Variants in ALK observed in about 807,000 individuals in gnomAD.
ALK encodes the protein ALK receptor tyrosine kinase, also known as ALK tyrosine kinase receptor.
A neutral mutation model predicts 163.1 loss-of-function variants in ALK; 74 were observed. That is an observed-to-expected ratio of 0.45 (90% CI 0.38 to 0.55). The LOEUF is 0.55. ALK is among the 20% of genes least tolerant of loss of function. ALK has a pLI of 0.00. For synonymous variants in ALK, 960 were observed against 843.2 expected (o/e 1.14, Z -2.40); for missense variants, 2,063 against 2,105.3 (o/e 0.98, Z 0.39).
At chr2:29,335,382 T>C (rs149924592) in intron 5 of ALK, among the ~76,000 whole-genome samples, 21 of 152,332 alleles carry the variant, frequency 1.4e-4, no homozygotes, top group African/African-American at 4.6e-4. Context: ...TTACCCTTCG[T>C]TTGAATCTCA....
chr2:29,554,000 T>C (rs1004133559), intron 3 of ALK, among the ~76,000 whole-genome samples: 9 of 152,226 alleles, frequency 5.9e-5, no homozygotes, highest in Non-Finnish European at 1.2e-4. Flanking sequence ...CATGTGTCCT[T>C]TGCCATTTAG....
At chr2:29,413,652 C>T (rs978645960) in intron 4 of ALK, among the ~76,000 whole-genome samples, 7 of 152,310 alleles carry the variant, frequency 4.6e-5, no homozygotes, top group Admixed American at 3.9e-4. Context: ...CTGCCTCAGC[C>T]TCCCAAGTAG....
intron 1 of ALK, among the ~76,000 whole-genome samples, chr2:29,894,244 T>A (rs1351456775): frequency 6.6e-6 from 1 of 152,110 alleles, no homozygotes; most frequent in African/African-American, 2.4e-5. Flanking sequence ...CAGTGAATAT[T>A]TGTTGCTGTT....
intron 3 of ALK, among the ~76,000 whole-genome samples, chr2:29,617,114 T>A (rs775450174): frequency 6.6e-6 from 1 of 152,160 alleles, no homozygotes; most frequent in African/African-American, 2.4e-5. Flanking sequence ...TGCTGGAAAC[T>A]GTCTCTTCTT....
intron 3 of ALK, among the ~76,000 whole-genome samples, chr2:29,678,446 T>C (rs1019777577): frequency 2.5e-4 from 38 of 151,762 alleles, no homozygotes; most frequent in African/African-American, 7.5e-4. Flanking sequence ...TATACTTTTT[T>C]TTCTCTGAGC....
intron 3 of ALK, among the ~76,000 whole-genome samples, chr2:29,601,835 T>C (rs779216257): frequency 6.6e-6 from 1 of 151,870 alleles, no homozygotes. Flanking sequence ...CTTACCAGAC[T>C]CAGAGGCCGA....
At chr2:29,728,808 C>G (rs1679649972) in intron 1 of ALK, among the ~76,000 whole-genome samples, 1 of 152,170 alleles carries the variant, frequency 6.6e-6, no homozygotes, top group African/African-American at 2.4e-5. Context: ...ATGGATGGCC[C>G]AATCACACTG....
At chr2:29,584,663 A>G (rs1310274422) in intron 3 of ALK, among the ~76,000 whole-genome samples, 1 of 152,258 alleles carries the variant, frequency 6.6e-6, no homozygotes, top group African/African-American at 2.4e-5. Flanking sequence ...AACTCCTTCT[A>G]TAGAATGGCT....
rs191734907 is a variant in ALK at position 29,759,360 on chromosome 2, G to A, written c.668-41663C>T. Among the ~76,000 whole-genome samples the A allele has an allele frequency of 4.2e-3, 641 of 152,268 alleles. 15 individuals are homozygous for A. Among genetic ancestry groups the A allele is most frequent in the Admixed American group, 0.038 (585 of 15,300 alleles). ...ACAGTCAAGCAATACCATTGACTGA[G>A]ACCTCCATGAGGTACTAAGGAAGTT... On this transcript the variant is annotated intron_variant, in intron 1 of 28. Transcript: ENST00000389048.
Position 29,920,023 on chromosome 2 carries a change from G to A in ALK, c.637C>T (p.Pro213Ser), listed in dbSNP as rs2148442833. ...CCGAAGATCTGGAAGAGAAGGCGGG[G>A]CTGGGAGGCGCGAATTGCCGCGGAC... Reference protein sequence around the residue: ...RLSAAIRASQPRLLFQIFGTG... With the variant: ...RLSAAIRASQSRLLFQIFGTG... Residue 213 changes from proline (P) to serine (S), a missense_variant, in exon 1 of 29, where the codon CCC becomes TCC. Coordinates refer to ENST00000389048, the MANE Select transcript of ALK (RefSeq NM_004304.5). 1 of 1,614,154 alleles carries A rather than the reference G, an allele frequency of 6.2e-7. No individual in the cohort carries two copies. Among genetic ancestry groups the A allele is most frequent in the South Asian group, 1.1e-5 (1 of 91,086 alleles).
chr2:29,407,182 C>T (rs991231709), intron 4 of ALK, among the ~76,000 whole-genome samples: 26 of 152,232 alleles, frequency 1.7e-4, no homozygotes, highest in Non-Finnish European at 2.9e-5. Context: ...TCTGAAGCAG[C>T]TCTTTATCTT....
chr2:29,696,889 G>A (rs1352204967), intron 2 of ALK, among the ~76,000 whole-genome samples: 2 of 148,918 alleles, frequency 1.3e-5, no homozygotes, highest in Admixed American at 6.8e-5. Flanking sequence ...CCTTCTCCAT[G>A]CCTGGCCAGA....
chr2:29,294,682 C>T (rs1174315428), intron 9 of ALK, among the ~76,000 whole-genome samples: 2 of 152,174 alleles, frequency 1.3e-5, no homozygotes, highest in Admixed American at 6.5e-5. Flanking sequence ...TTTCAATAGT[C>T]ATTTCATTTA....
At chr2:29,676,930 ATTG>A (rs1399351050) in intron 3 of ALK, among the ~76,000 whole-genome samples, 1 of 151,860 alleles carries the variant, frequency 6.6e-6, no homozygotes, top group Admixed American at 6.6e-5. Flanking sequence ...CCTTTTGGAA[ATTG>A]TTGTTAGAAC....
At chr2:29,501,735 A>C (rs1311680378) in intron 4 of ALK, among the ~76,000 whole-genome samples, 4 of 152,214 alleles carry the variant, frequency 2.6e-5, no homozygotes, top group African/African-American at 9.6e-5. Flanking sequence ...TAAAGTATAC[A>C]GTTTAGTGGC....
chr2:29,319,990 G>C (rs569300837), intron 7 of ALK, among the ~76,000 whole-genome samples: 2 of 152,236 alleles, frequency 1.3e-5, no homozygotes, highest in Non-Finnish European at 2.9e-5. Flanking sequence ...ACCAGGGCCT[G>C]CCCGGGTCCC....
intron 3 of ALK, among the ~76,000 whole-genome samples, chr2:29,669,664 A>G (rs368386915): frequency 2.0e-5 from 3 of 151,898 alleles, no homozygotes; most frequent in East Asian, 1.9e-4. Context: ...CTGTTTTAAG[A>G]TCCTCCCTTT....
intron 3 of ALK, among the ~76,000 whole-genome samples, chr2:29,652,414 T>C (rs1025208841): frequency 6.6e-6 from 1 of 152,212 alleles, no homozygotes; most frequent in African/African-American, 2.4e-5. Context: ...GCCATGCTTT[T>C]CCATAATGAA....
rs183636451 is a variant in ALK at position 29,775,433 on chromosome 2, T to G, written c.668-57736A>C. On this transcript the variant is annotated intron_variant, in intron 1 of 28. Coordinates refer to ENST00000389048, the MANE Select transcript of ALK (RefSeq NM_004304.5). The stretch of plus-strand genomic sequence containing the variant: ...TAGAAGGAAATCCCTCCTAAATAAC[T>G]GCATACCACATGAATGAAGCCTTAG... Among the ~76,000 whole-genome samples, 9 of 152,068 alleles carry G rather than the reference T, an allele frequency of 5.9e-5. No individual in the cohort carries two copies. In the East Asian group the frequency reaches 1.7e-3, roughly 29 times the overall value.
Sources: gnomAD v4.1 joint callset for allele counts (sites outside exome capture counted in the v4.1 genomes callset) on GRCh38, gnomAD v4.1.1 for gene constraint, MANE v1.5 for transcripts, NCBI Gene and HGNC (gene_info 2026-07-23, HGNC 2026-07-21) for gene names.